The following RFX8 variants were observed in gnomAD, a reference collection of about 807,000 sequenced individuals.
RFX8 encodes the protein DNA-binding protein RFX8.
In RFX8, 46 loss-of-function variants were observed where a neutral mutation model predicts 54.6. The observed-to-expected ratio is 0.84, with a 90% CI of 0.67 to 1.08. RFX8 has a LOEUF of 1.08. Ranked by LOEUF, RFX8 falls within the 50% of genes least tolerant of loss-of-function variation. The probability of loss-of-function intolerance (pLI) is 0.00; values close to 1 mark genes in which losing one functional copy is unlikely to be tolerated. For synonymous variants in RFX8, 192 were observed against 209.5 expected, an observed-to-expected ratio of 0.92 and a Z score of 0.72; for missense variants, 536 against 562.3, an observed-to-expected ratio of 0.95 and a Z score of 0.47.
At chr2:101,403,896 G>C (rs919588610) in intron 10 of RFX8, among the ~76,000 whole-genome samples, 1 of 152,212 alleles carries the variant, frequency 6.6e-6, no homozygotes, top group African/African-American at 2.4e-5. Flanking sequence ...TGGTTCAAAA[G>C]AGAATTCAAA....
At chr2:101,474,205 T>C in intron 1 of RFX8, 1 of 591,078 alleles carries the variant, frequency 1.7e-6, no homozygotes, top group Non-Finnish European at 3.0e-6. Context: ...GGCTCACCAC[T>C]GGATGACGCC....
intron 9 of RFX8, among the ~76,000 whole-genome samples, chr2:101,410,346 C>T (rs577478169): frequency 4.6e-5 from 7 of 151,166 alleles, no homozygotes; most frequent in East Asian, 2.0e-4. Context: ...ATCACAGGCT[C>T]GCCCCTCCAC....
chr2:101,424,043 G>A (rs1250367570), intron 2 of RFX8, among the ~76,000 whole-genome samples: 1 of 152,194 alleles, frequency 6.6e-6, no homozygotes, highest in Non-Finnish European at 1.5e-5. Context: ...TTATGAAGAT[G>A]CCACGTTAAA....
chr2:101,402,395 C>T, intron 11 of RFX8, 41 bp downstream of exon 11: 1 of 1,471,072 alleles, frequency 6.8e-7, no homozygotes, highest in Non-Finnish European at 9.2e-7. Flanking sequence ...CTCTTATTCC[C>T]CTTGAAACAG....
chr2:101,406,067 T>A lies in RFX8; in HGVS notation c.814-10A>T, dbSNP rs768819847. On this transcript the variant is annotated splice_polypyrimidine_tract_variant and intron_variant, in intron 9 of 11. Transcript: ENST00000428343. ...CTTTGCTTCTGCTTGTCTGTTAAGT[T>A]TTTGTGAGAAAAAAGGCTGCAGTTT... The A allele has an allele frequency of 1.3e-4, 199 of 1,503,964 alleles. No homozygotes were observed. The highest frequency in any genetic ancestry group is 1.7e-4 in the Non-Finnish European group (190 of 1,113,712). The allele number at this position is 1,503,964 out of a possible 1,614,324, so 93.2% of individuals were successfully genotyped here.
intron 2 of RFX8, among the ~76,000 whole-genome samples, chr2:101,441,171 C>T (rs995943389): frequency 6.6e-6 from 1 of 152,080 alleles, no homozygotes; most frequent in African/African-American, 2.4e-5. Context: ...GGGGTTTCAC[C>T]GTGTTAGCCA....
chr2:101,463,082 C>T (rs915647603), intron 2 of RFX8, among the ~76,000 whole-genome samples: 1 of 152,216 alleles, frequency 6.6e-6, no homozygotes, highest in Non-Finnish European at 1.5e-5. Flanking sequence ...CCCATCCACA[C>T]ATCGATCTTT....
chr2:101,400,746 T>A (rs1182386207), intron 11 of RFX8, among the ~76,000 whole-genome samples: 1 of 152,190 alleles, frequency 6.6e-6, no homozygotes, highest in Non-Finnish European at 1.5e-5. Context: ...AGAATTTGCT[T>A]TCACTTGGAG....
intron 2 of RFX8, among the ~76,000 whole-genome samples, chr2:101,440,163 G>T (rs1688017413): frequency 6.6e-6 from 1 of 151,748 alleles, no homozygotes; most frequent in Non-Finnish European, 1.5e-5. Flanking sequence ...CCCGTTTAAA[G>T]AGTCCAAGTC....
At chr2:101,438,135 A>G (rs1028138004) in intron 2 of RFX8, among the ~76,000 whole-genome samples, 30 of 152,228 alleles carry the variant, frequency 2.0e-4, no homozygotes, top group Non-Finnish European at 4.1e-4. Context: ...TAATAATCAC[A>G]TTGGGATAAA....
intron 8 of RFX8, among the ~76,000 whole-genome samples, chr2:101,410,974 A>G (rs1295556760): frequency 1.3e-5 from 2 of 152,256 alleles, no homozygotes; most frequent in East Asian, 3.8e-4. Context: ...TTTTGAAACC[A>G]TAACTACACC....
chr2:101,435,172 C>G (rs1028873369), intron 2 of RFX8: 1 of 152,502 alleles, frequency 6.6e-6, no homozygotes, highest in Admixed American at 6.5e-5. Context: ...GCCCGCCAGG[C>G]AGCCCCCTGA....
intron 4 of RFX8, among the ~76,000 whole-genome samples, chr2:101,419,335 A>G (rs1174494826): frequency 6.6e-6 from 1 of 152,214 alleles, no homozygotes; most frequent in Non-Finnish European, 1.5e-5. Flanking sequence ...GACTGCCTCA[A>G]TCATTTTTCA....
intron 11 of RFX8, 104 bp downstream of exon 11, chr2:101,402,332 G>A (rs1017917329): frequency 1.1e-5 from 11 of 1,020,666 alleles, no homozygotes; most frequent in Middle Eastern, 2.9e-4. Context: ...CTGTAGAATC[G>A]TTTATCATTG....
chr2:101,466,965 C>A, intron 1 of RFX8, 65 bp from the exon 2 acceptor site: 1 of 724,196 alleles, frequency 1.4e-6, no homozygotes, highest in South Asian at 1.5e-5. Context: ...AATATTTTGA[C>A]AAAATCAATG....
intron 2 of RFX8, among the ~76,000 whole-genome samples, chr2:101,464,364 A>G (rs1408362067): frequency 6.6e-6 from 1 of 152,248 alleles, no homozygotes; most frequent in East Asian, 1.9e-4. Flanking sequence ...CATGTAAAAT[A>G]TCACTTGTAC....
chr2:101,398,688 C>T (rs1388109948), intron 11 of RFX8, among the ~76,000 whole-genome samples: 2 of 152,182 alleles, frequency 1.3e-5, no homozygotes, highest in Non-Finnish European at 2.9e-5. Flanking sequence ...GTCTTCCTAT[C>T]AGAGAAAGGC....
At chr2:101,462,385 A>T (rs1689331894) in intron 2 of RFX8, among the ~76,000 whole-genome samples, 1 of 152,204 alleles carries the variant, frequency 6.6e-6, no homozygotes, top group Non-Finnish European at 1.5e-5. Flanking sequence ...AGCCGAGATC[A>T]TGTCGCTGTA....
Position 101,417,667 on chromosome 2 carries a change from G to C in RFX8, c.369C>G (p.Leu123=). 6.5e-7 allele frequency: 1 copy of C among 1,548,892 alleles called. No homozygotes were observed. The highest frequency in any genetic ancestry group is 1.2e-5 in the South Asian group (1 of 83,394). Residue 123 remains leucine (L), a synonymous_variant, in exon 6 of 12, where the codon CTC becomes CTG. Coordinates refer to ENST00000428343, the MANE Select transcript of RFX8 (RefSeq NM_001145664.2). ...AAACATCTTCCAAGAAGTCATGAAG[G>C]AGAACATCCTCAATTCCCTACAACA... ...VQLYKGIEDV[L]LHDFLEDVSI... is the part of the protein sequence containing the mutation.
Sources: allele counts gnomAD v4.1 joint callset (sites outside exome capture counted in the v4.1 genomes callset), GRCh38; gene constraint gnomAD v4.1.1; transcripts MANE v1.5; gene names NCBI Gene and HGNC (gene_info 2026-07-23, HGNC 2026-07-21).